The following RIMS1 variants were observed in gnomAD, a reference collection of about 807,000 sequenced individuals.
RIMS1 encodes the protein regulating synaptic membrane exocytosis protein 1.
Under a neutral mutation model 214.1 loss-of-function variants are expected in RIMS1, and 83 were observed. That is an observed-to-expected ratio of 0.39 (90% CI 0.32 to 0.47). RIMS1 has a LOEUF of 0.47. Ranked by LOEUF, RIMS1 falls within the 20% of genes least tolerant of loss-of-function variation. The pLI is 0.99. For synonymous variants in RIMS1, 793 were observed against 786.8 expected (o/e 1.01, Z -0.13); for missense variants, 2,050 against 2,161.8 (o/e 0.95, Z 1.03).
chr6:71,967,404 A>T (rs184706345), intron 1 of RIMS1, among the ~76,000 whole-genome samples: 13 of 152,292 alleles, frequency 8.5e-5, no homozygotes, highest in Non-Finnish European at 1.3e-4. Context: ...AGAAAAAAAA[A>T]ATGCTGCATC....
At chr6:72,165,318 TC>T (rs2046101434) in intron 4 of RIMS1, among the ~76,000 whole-genome samples, 1 of 152,222 alleles carries the variant, frequency 6.6e-6, no homozygotes, top group Admixed American at 6.5e-5. Flanking sequence ...AATTTTCATT[TC>T]TTTTATGTAA....
intron 4 of RIMS1, among the ~76,000 whole-genome samples, chr6:72,131,361 T>C (rs889716225): frequency 3.4e-4 from 51 of 152,200 alleles, no homozygotes; most frequent in Non-Finnish European, 3.5e-4. Flanking sequence ...TCACGTAGGT[T>C]CTTTTCTGTT....
chr6:72,226,356 T>C (rs976695503), intron 6 of RIMS1, among the ~76,000 whole-genome samples: 1 of 152,076 alleles, frequency 6.6e-6, no homozygotes, highest in African/African-American at 2.4e-5. Context: ...GAAGAATTAA[T>C]CTGATGACTG....
At chr6:72,203,586 G>A (rs1256541137) in intron 6 of RIMS1, among the ~76,000 whole-genome samples, 1 of 152,116 alleles carries the variant, frequency 6.6e-6, no homozygotes, top group Non-Finnish European at 1.5e-5. Flanking sequence ...GGTAACAGAA[G>A]GAGAGGGTTG....
intron 19 of RIMS1, chr6:72,263,965 C>A: frequency 2.1e-6 from 1 of 469,586 alleles, no homozygotes; most frequent in Non-Finnish European, 2.8e-6. Flanking sequence ...TGCACTCCAG[C>A]CTAGATAACA....
chr6:71,960,251 G>A (rs1053147982), intron 1 of RIMS1, among the ~76,000 whole-genome samples: 4 of 151,992 alleles, frequency 2.6e-5, no homozygotes, highest in Non-Finnish European at 4.4e-5. Context: ...TTCTTATGAT[G>A]GAGAGACTAC....
intron 17 of RIMS1, 81 bp from the exon 18 acceptor site, chr6:72,258,905 T>G (rs541183194): frequency 4.5e-5 from 59 of 1,302,900 alleles, no homozygotes; most frequent in Admixed American, 4.2e-4. Flanking sequence ...CATATTACTC[T>G]CAGTTCCTTC....
At chr6:72,102,020 C>G (rs1266253123) in intron 4 of RIMS1, among the ~76,000 whole-genome samples, 1 of 151,842 alleles carries the variant, frequency 6.6e-6, no homozygotes, top group Non-Finnish European at 1.5e-5. Context: ...CATTAAAAGC[C>G]CTCCTTGAAG....
intron 1 of RIMS1, among the ~76,000 whole-genome samples, chr6:71,893,327 T>TC (rs1286289745): frequency 6.6e-6 from 1 of 151,762 alleles, no homozygotes; most frequent in Admixed American, 6.6e-5. Flanking sequence ...TTTTTTTTTT[T>TC]CCCCTCTCAT....
chr6:71,902,445 AAAAAG>A (rs1773939080), intron 1 of RIMS1, among the ~76,000 whole-genome samples: 1 of 152,100 alleles, frequency 6.6e-6, no homozygotes, highest in Non-Finnish European at 1.5e-5. Context: ...CATGAGACAC[AAAAAG>A]AAGAGTCTTT....
intron 1 of RIMS1, among the ~76,000 whole-genome samples, chr6:71,914,047 A>G (rs989915849): frequency 2.0e-5 from 3 of 152,198 alleles, no homozygotes; most frequent in African/African-American, 7.2e-5. Flanking sequence ...TAGGAAAGGC[A>G]GAGTCCTATT....
chr6:72,358,362 TTTCTC>T (rs1308493250), intron 29 of RIMS1, among the ~76,000 whole-genome samples: 5 of 152,164 alleles, frequency 3.3e-5, no homozygotes, highest in Non-Finnish European at 7.3e-5. Flanking sequence ...AGTGAGTACT[TTTCTC>T]TTTTTTTTAG....
chr6:72,336,397 T>C (rs1166723270), intron 29 of RIMS1, among the ~76,000 whole-genome samples: 1 of 151,864 alleles, frequency 6.6e-6, no homozygotes, highest in Non-Finnish European at 1.5e-5. Flanking sequence ...TTTATCTCAG[T>C]TATGGTCAGA....
intron 2 of RIMS1, among the ~76,000 whole-genome samples, chr6:72,032,640 A>T (rs1367428921): frequency 1.3e-5 from 2 of 152,182 alleles, no homozygotes; most frequent in African/African-American, 2.4e-5. Context: ...GTAGAATTTT[A>T]AAAAATAAAA....
chr6:71,964,103 G>A (rs1319539132), intron 1 of RIMS1, among the ~76,000 whole-genome samples: 1 of 152,140 alleles, frequency 6.6e-6, no homozygotes. Context: ...GCAGATTGTA[G>A]TAGTAAGTAG....
chr6:72,118,229 T>C (rs2037473994), intron 4 of RIMS1, among the ~76,000 whole-genome samples: 1 of 151,404 alleles, frequency 6.6e-6, no homozygotes, highest in African/African-American at 2.4e-5. Context: ...ATCAGGAAGA[T>C]ATAGAAACCC....
chr6:72,142,641 A>G (rs1230697539), intron 4 of RIMS1, among the ~76,000 whole-genome samples: 1 of 152,136 alleles, frequency 6.6e-6, no homozygotes, highest in Non-Finnish European at 1.5e-5. Flanking sequence ...GGTTATCGCC[A>G]GCTTAAAATT....
At chr6:72,380,937 C>T (rs558462287) in intron 29 of RIMS1, among the ~76,000 whole-genome samples, 2 of 152,244 alleles carry the variant, frequency 1.3e-5, no homozygotes, top group East Asian at 3.9e-4. Context: ...TCCCCACATG[C>T]TTAAAGTATC....
rs534052748 is a variant in RIMS1, at chr6:72,016,957, T to C, written c.245+47894T>C. Among the ~76,000 whole-genome samples, 10 of 152,322 alleles carry C rather than the reference T, an allele frequency of 6.6e-5. No homozygotes were observed. The South Asian group carries it at 2.1e-3, about 32-fold the overall frequency. On this transcript the variant is annotated intron_variant, in intron 2 of 33. Coordinates refer to ENST00000521978, the MANE Select transcript of RIMS1 (RefSeq NM_014989.7). ...GGAATCCTGATTATCTTTGCTCTGG[T>C]GAGGAAATGGTAATGTGCTAATAGA...
Sources: allele counts gnomAD v4.1 joint callset (sites outside exome capture counted in the v4.1 genomes callset), GRCh38; gene constraint gnomAD v4.1.1; transcripts MANE v1.5; gene names NCBI Gene and HGNC (gene_info 2026-07-23, HGNC 2026-07-21).